Variants in DGKB observed in about 807,000 individuals in gnomAD.
DGKB encodes 90 kDa diacylglycerol kinase.
A neutral mutation model predicts 114.3 loss-of-function variants in DGKB; 67 were observed. The ratio of observed to expected loss-of-function variants is 0.59; its 90% CI spans 0.48 to 0.72. The LOEUF (loss-of-function observed/expected upper bound fraction) is 0.72, where lower values mean the gene tolerates loss of function less well. DGKB is among the 30% of genes least tolerant of loss of function. The pLI, the probability that DGKB is intolerant of heterozygous loss-of-function variation, is 0.00. For synonymous variants in DGKB, 398 were observed against 323.1 expected, an observed-to-expected ratio of 1.23 and a Z score of -2.49; for missense variants, 907 against 975.2, an observed-to-expected ratio of 0.93 and a Z score of 0.93.
rs144524221 is a variant in DGKB at position 14,964,806 on chromosome 7, G to A, written c.-188+9890C>T. The stretch of plus-strand genomic sequence containing the variant: ...GGATAATTTCTTGAACCAAATCAAT[G>A]ACACTCAAGATTTACATTATAGGCT... On this transcript the variant is annotated intron_variant, in intron 1 of 4. Coordinates refer to the DGKB transcript ENST00000437998. Among the ~76,000 whole-genome samples the A allele has an allele frequency of 4.3e-3, 660 of 152,196 alleles. 4 individuals carry two copies. Among genetic ancestry groups the A allele is most frequent in the Admixed American group, 0.011 (171 of 15,272 alleles).
intron 20 of DGKB, among the ~76,000 whole-genome samples, chr7:14,526,606 AAT>A (rs1251538540): frequency 6.6e-6 from 1 of 152,178 alleles, no homozygotes; most frequent in Non-Finnish European, 1.5e-5. Flanking sequence ...TTTAAAAAAT[AAT>A]ATGTGGTTAA....
chr7:14,489,670 A>G (rs143047910), intron 20 of DGKB, among the ~76,000 whole-genome samples: 20 of 152,324 alleles, frequency 1.3e-4, no homozygotes, highest in Non-Finnish European at 2.4e-4. Context: ...TGCGTTTGCA[A>G]TCATTAAACT....
intron 14 of DGKB, among the ~76,000 whole-genome samples, chr7:14,629,370 C>T (rs1354284026): frequency 6.6e-6 from 1 of 150,404 alleles, no homozygotes; most frequent in Non-Finnish European, 1.5e-5. Flanking sequence ...AAAATGAGAA[C>T]TTTTTTTTTA....
intron 21 of DGKB, among the ~76,000 whole-genome samples, chr7:14,441,635 C>G (rs1173846573): frequency 6.6e-6 from 1 of 151,894 alleles, no homozygotes; most frequent in African/African-American, 2.4e-5. Context: ...GAATGCAGTA[C>G]AAATTATTTT....
intron 20 of DGKB, among the ~76,000 whole-genome samples, chr7:14,566,640 C>T (rs895023023): frequency 3.3e-5 from 5 of 152,004 alleles, no homozygotes; most frequent in African/African-American, 7.3e-5. Flanking sequence ...AATATCACAC[C>T]ATAGTCCTAC....
At chr7:14,413,272 G>C (rs1009438168) in intron 21 of DGKB, among the ~76,000 whole-genome samples, 3 of 152,172 alleles carry the variant, frequency 2.0e-5, no homozygotes, top group Admixed American at 2.0e-4. Context: ...TGTTGAGTGA[G>C]AAGCAGCTGA....
At chr7:14,929,136 A>G (rs1784883246) in intron 1 of DGKB, among the ~76,000 whole-genome samples, 1 of 151,968 alleles carries the variant, frequency 6.6e-6, no homozygotes, top group Non-Finnish European at 1.5e-5. Flanking sequence ...TCATCCATTG[A>G]TAAACACTTA....
intron 23 of DGKB, among the ~76,000 whole-genome samples, chr7:14,326,434 T>G (rs1236573999): frequency 6.6e-6 from 1 of 152,088 alleles, no homozygotes; most frequent in African/African-American, 2.4e-5. Context: ...GGTGCATGAG[T>G]CAGGTGGAGC....
At chr7:14,397,343 T>C (rs1822382871) in intron 21 of DGKB, among the ~76,000 whole-genome samples, 1 of 152,120 alleles carries the variant, frequency 6.6e-6, no homozygotes. Context: ...TGTTAACATG[T>C]GGACTATTTT....
At chr7:14,329,955 T>C (rs2128555238) in intron 23 of DGKB, among the ~76,000 whole-genome samples, 1 of 152,104 alleles carries the variant, frequency 6.6e-6, no homozygotes, top group South Asian at 2.1e-4. Flanking sequence ...GCCACTATTT[T>C]CAATAGACAG....
intron 20 of DGKB, among the ~76,000 whole-genome samples, chr7:14,498,774 A>C (rs942454874): frequency 1.3e-5 from 2 of 151,744 alleles, no homozygotes; most frequent in Non-Finnish European, 3.0e-5. Context: ...CAGAATAACA[A>C]TGTCAAAATT....
At chr7:14,728,314 G>A (rs577714163) in intron 5 of DGKB, among the ~76,000 whole-genome samples, 1 of 152,022 alleles carries the variant, frequency 6.6e-6, no homozygotes, top group Admixed American at 6.6e-5. Flanking sequence ...TTATTTTCTG[G>A]CTTAAAATCT....
intron 21 of DGKB, among the ~76,000 whole-genome samples, chr7:14,404,393 C>G (rs957799244): frequency 1.3e-5 from 2 of 151,876 alleles, no homozygotes; most frequent in Middle Eastern, 3.4e-3. Flanking sequence ...TCGTGGGAGT[C>G]AAATGCTTAG....
intron 15 of DGKB, among the ~76,000 whole-genome samples, chr7:14,619,518 T>G (rs1365577904): frequency 6.6e-6 from 1 of 151,542 alleles, no homozygotes; most frequent in Non-Finnish European, 1.5e-5. Context: ...AAAACTGAGA[T>G]TAGAGGAGTT....
At chr7:14,404,994 T>C (rs954485811) in intron 21 of DGKB, among the ~76,000 whole-genome samples, 1 of 151,838 alleles carries the variant, frequency 6.6e-6, no homozygotes, top group African/African-American at 2.4e-5. Flanking sequence ...AAGCATCACA[T>C]AGAACTTGAT....
At chr7:14,655,827 T>C (rs1301220945) in intron 13 of DGKB, among the ~76,000 whole-genome samples, 2 of 151,514 alleles carry the variant, frequency 1.3e-5, no homozygotes, top group Non-Finnish European at 3.0e-5. Context: ...ATCTAAAAAA[T>C]TGAGCTCATG....
chr7:14,416,651 C>T (rs1332521993), intron 21 of DGKB, among the ~76,000 whole-genome samples: 1 of 152,046 alleles, frequency 6.6e-6, no homozygotes, highest in Admixed American at 6.6e-5. Flanking sequence ...GGGGAAACAC[C>T]TTTCACTTGG....
chr7:14,756,416 C>T (rs905443173), intron 3 of DGKB, among the ~76,000 whole-genome samples: 1 of 151,752 alleles, frequency 6.6e-6, no homozygotes, highest in African/African-American at 2.4e-5. Context: ...GTAGGTCAAA[C>T]ATCTATTTTT....
At chr7:14,696,202 C>A (rs1024629791) in intron 8 of DGKB, among the ~76,000 whole-genome samples, 2 of 151,908 alleles carry the variant, frequency 1.3e-5, no homozygotes, top group African/African-American at 4.8e-5. Context: ...TGTTTAGAAA[C>A]CTGAATGGAG....
Sources: allele counts gnomAD v4.1 joint callset (sites outside exome capture counted in the v4.1 genomes callset), GRCh38; gene constraint gnomAD v4.1.1; transcripts MANE v1.5; gene names NCBI Gene and HGNC (gene_info 2026-07-23, HGNC 2026-07-21).